The following VIPR2 variants were observed in gnomAD, a reference collection of about 807,000 sequenced individuals.
VIPR2 encodes vasoactive intestinal polypeptide receptor 2.
A neutral mutation model predicts 58.0 loss-of-function variants in VIPR2; 48 were observed. The observed-to-expected ratio is 0.83, with a 90% confidence interval of 0.66 to 1.05. The LOEUF is 1.05. VIPR2 is among the 50% of genes least tolerant of loss of function. The probability of loss-of-function intolerance (pLI) is 0.00; values close to 1 mark genes in which losing one functional copy is unlikely to be tolerated. For synonymous variants in VIPR2, 243 were observed against 235.2 expected, an observed-to-expected ratio of 1.03 and a Z score of -0.30; for missense variants, 534 against 558.0, an observed-to-expected ratio of 0.96 and a Z score of 0.43.
At chr7:159,117,960 T>C (rs1379548661) in intron 2 of VIPR2, among the ~76,000 whole-genome samples, 1 of 152,190 alleles carries the variant, frequency 6.6e-6, no homozygotes, top group Admixed American at 6.5e-5. Context: ...AATCGCATCC[T>C]CCACTCAAGA....
At chr7:159,117,129 G>A (rs1563342614) in intron 2 of VIPR2, 2 of 587,486 alleles carry the variant, frequency 3.4e-6, no homozygotes, top group South Asian at 4.1e-5. Flanking sequence ...TCACAGAGGG[G>A]AGGAAACACA....
chr7:159,137,200 C>T (rs148387921), intron 2 of VIPR2, among the ~76,000 whole-genome samples: 6,185 of 152,192 alleles, frequency 0.041, 437 homozygotes, highest in African/African-American at 0.14. Flanking sequence ...GCAACAGCTC[C>T]GTTCTTCCCA....
chr7:159,102,186 CAA>C (rs1858338854), intron 4 of VIPR2, among the ~76,000 whole-genome samples: 2 of 151,058 alleles, frequency 1.3e-5, no homozygotes, highest in African/African-American at 2.4e-5. Context: ...GAGGCGGTTC[CAA>C]CTGTTCCTGT....
At position 159,067,787 on chromosome 7, in the gene VIPR2, G is replaced by A. The variant is rs1418229306; in HGVS notation, c.358-9209C>T. ...TGAAAGACCTTCAAGTTCTTTCCCC[G>A]GAACCAAGATCCTGTCGAGGCCAAG... On this transcript the variant is annotated intron_variant, in intron 4 of 12. Transcript: ENST00000262178. 3.3e-5 allele frequency among the ~76,000 whole-genome samples: 5 copies of A among 152,188 alleles called. No individual in the cohort carries two copies. In the East Asian group the frequency reaches 5.8e-4, roughly 18 times the overall value.
chr7:159,140,660 T>C (rs1797427324), intron 2 of VIPR2, among the ~76,000 whole-genome samples: 1 of 152,222 alleles, frequency 6.6e-6, no homozygotes, highest in African/African-American at 2.4e-5. Flanking sequence ...AGTGACAAGT[T>C]TCCCAACCAA....
Position 159,120,709 on chromosome 7 carries a change from G to T in VIPR2, c.152-10790C>A, listed in dbSNP as rs146944036. On this transcript the variant is annotated intron_variant, in intron 2 of 12. Coordinates refer to ENST00000262178, the MANE Select transcript of VIPR2 (RefSeq NM_003382.5). Reference sequence around the variant, plus strand: ...GGCTAGTGTGCAGCCTGGGTGGCAGGTGCAGCTGTGCGGGCTCCATCTCTG... The same window carrying T: ...GGCTAGTGTGCAGCCTGGGTGGCAGTTGCAGCTGTGCGGGCTCCATCTCTG... Among the ~76,000 whole-genome samples, 562 of 152,292 alleles carry T rather than the reference G, an allele frequency of 3.7e-3. 1 individual carries two copies. Among genetic ancestry groups the T allele is most frequent in the Middle Eastern group, 6.8e-3 (2 of 294 alleles).
rs1340589554 is a variant in VIPR2, at chr7:159,031,369, G to A, written c.1143+459C>T. ...CGGGGCCAGGCCGTTGGAGCAGCCC[G>A]GAGACAGCCTCCCTGGCTGGGAATG... On this transcript the variant is annotated intron_variant, in intron 12 of 12. Transcript: ENST00000262178. This position sits in a 1 kb window ranked among gnomAD's most constrained non-coding sequence, Gnocchi z 4.0. 5.3e-6 allele frequency: 5 copies of A among 941,724 alleles called. No homozygotes were observed. The highest frequency in any genetic ancestry group is 5.1e-6 in the Non-Finnish European group (4 of 790,062). 58.3% of individuals were successfully genotyped at this position (941,724 alleles called of 1,614,324 possible). A position where few individuals can be genotyped will look rare whatever the true frequency, so the allele number is the denominator to read the frequency against.
At chr7:159,061,480 T>C (rs1208152778) in intron 4 of VIPR2, among the ~76,000 whole-genome samples, 3 of 151,394 alleles carry the variant, frequency 2.0e-5, no homozygotes, top group African/African-American at 7.3e-5. Context: ...CACCCCCGTC[T>C]CCATAAAAAA....
chr7:159,088,169 A>G (rs958152669), intron 4 of VIPR2, among the ~76,000 whole-genome samples: 3 of 152,226 alleles, frequency 2.0e-5, no homozygotes, highest in African/African-American at 7.2e-5. Context: ...CACAGCATCC[A>G]TCAGCCTTGA....
Position 159,061,348 on chromosome 7 carries a change from G to GAAAA in VIPR2, c.358-2774_358-2771dup, listed in dbSNP as rs57425728. ...GCCCCCTGAGTCTAAAATAAAAGTT[G>GAAAA]AAAAAAAAAAAAAAGGCTGGGCTTG... On this transcript the variant is annotated intron_variant, in intron 4 of 12. Transcript: ENST00000262178. Among the ~76,000 whole-genome samples the GAAAA allele has an allele frequency of 3.3e-3, 452 of 136,940 alleles. 6 individuals carry two copies. The highest frequency in any genetic ancestry group is 0.01 in the African/African-American group (368 of 36,240). The allele number at this position is 136,940 out of a possible 152,430, so 89.8% of individuals were successfully genotyped here.
Position 159,033,376 on chromosome 7 carries a change from C to T in VIPR2, c.971+837G>A, listed in dbSNP as rs140522937. On this transcript the variant is annotated intron_variant, in intron 10 of 12. Coordinates refer to ENST00000262178, the MANE Select transcript of VIPR2 (RefSeq NM_003382.5). ...GCCATGGTACAGCTCTGTGCACAGC[C>T]GCCCTTCCACCCCCGGTCAGTCTGA... 6.0e-3 allele frequency among the ~76,000 whole-genome samples: 912 copies of T among 152,306 alleles called. 4 individuals are homozygous for T. The highest frequency in any genetic ancestry group is 0.017 in the African/African-American group (692 of 41,574).
intron 4 of VIPR2, among the ~76,000 whole-genome samples, chr7:159,102,707 A>G (rs1228242060): frequency 6.6e-6 from 1 of 152,136 alleles, no homozygotes; most frequent in African/African-American, 2.4e-5. Context: ...CAGAAGCCAC[A>G]CCTCCAGGAG....
rs146851896 is a variant in VIPR2 at position 159,114,735 on chromosome 7, G to C, written c.152-4816C>G. On this transcript the variant is annotated intron_variant, in intron 2 of 12. Coordinates refer to ENST00000262178, the MANE Select transcript of VIPR2 (RefSeq NM_003382.5). The stretch of plus-strand genomic sequence containing the variant: ...GTAGGAGGATTGCTTGAGCCCAGGA[G>C]CTTGAGTCAAGCCCGGGTGACTGAG... Among the ~76,000 whole-genome samples, 43 of 151,286 alleles carry C rather than the reference G, an allele frequency of 2.8e-4. No individual in the cohort carries two copies. In the East Asian group the frequency reaches 6.9e-3, roughly 24 times the overall value.
chr7:159,054,336 G>A (rs1855176290), intron 5 of VIPR2, among the ~76,000 whole-genome samples: 1 of 152,088 alleles, frequency 6.6e-6, no homozygotes, highest in South Asian at 2.1e-4. Flanking sequence ...GAAACAAATG[G>A]CAAATAAGCT....
At chr7:159,108,350 C>T (rs1795853733) in intron 3 of VIPR2, among the ~76,000 whole-genome samples, 1 of 152,224 alleles carries the variant, frequency 6.6e-6, no homozygotes, top group African/African-American at 2.4e-5. Context: ...ACCATCTGTC[C>T]ACAGTTTGTG....
chr7:159,066,158 C>A (rs1289248057), intron 4 of VIPR2, among the ~76,000 whole-genome samples: 2 of 146,438 alleles, frequency 1.4e-5, no homozygotes, highest in Non-Finnish European at 3.0e-5. Flanking sequence ...AGGATGCCTG[C>A]TCCCACACTG....
At chr7:159,037,055 G>T (rs1854013217) in intron 6 of VIPR2, among the ~76,000 whole-genome samples, 153 bp from the exon 7 acceptor site, 1 of 152,236 alleles carries the variant, frequency 6.6e-6, no homozygotes, top group Non-Finnish European at 1.5e-5. Context: ...TAACACAGAG[G>T]CCAGGGCGCT....
rs1421762428 is a variant in VIPR2 at position 159,096,937 on chromosome 7, G to T, written c.357+6820C>A. 3.2e-6 allele frequency: 5 copies of T among 1,550,554 alleles called. No homozygotes were observed. The highest frequency in any genetic ancestry group is 4.4e-6 in the Non-Finnish European group (5 of 1,147,046). ...CACTCGATGAGCCAATGCCCTCGTG[G>T]CTGGCATTGAGCTTGGCACCTGCTG... On this transcript the variant is annotated intron_variant, in intron 4 of 12. Coordinates refer to ENST00000262178, the MANE Select transcript of VIPR2 (RefSeq NM_003382.5). The surrounding 1 kb of genome is among the most constrained non-coding windows in gnomAD (Gnocchi z 5.5).
Position 159,031,812 on chromosome 7 carries a change from G to A in VIPR2, c.1143+16C>T. ...GTGAGTACCTGTGCTTGGTTCCAAG[G>A]CGGCCATGAACTTACCTCACTGTTC... On this transcript the variant is annotated intron_variant, in intron 12 of 12. Transcript: ENST00000262178. The surrounding 1 kb of genome is among the most constrained non-coding windows in gnomAD (Gnocchi z 4.0). 6.2e-7 allele frequency: 1 copy of A among 1,613,940 alleles called. No homozygotes were observed. Among genetic ancestry groups the A allele is most frequent in the Non-Finnish European group, 8.5e-7 (1 of 1,180,008 alleles).
Sources: gnomAD v4.1 joint callset for allele counts (sites outside exome capture counted in the v4.1 genomes callset) on GRCh38, gnomAD v4.1.1 for gene constraint, Gnocchi (gnomAD v3.1) non-coding constraint, MANE v1.5 for transcripts, NCBI Gene and HGNC (gene_info 2026-07-23, HGNC 2026-07-21) for gene names.